The following DNAH3 variants were observed in gnomAD, a reference collection of about 807,000 sequenced individuals.
The protein encoded by DNAH3 is dynein axonemal heavy chain 3.
Under a neutral mutation model 432.5 loss-of-function variants are expected in DNAH3, and 332 were observed. The observed-to-expected ratio is 0.77, with a 90% CI of 0.70 to 0.84. The LOEUF is 0.84. Ranked by LOEUF, DNAH3 falls within the 40% of genes least tolerant of loss-of-function variation. DNAH3 has a pLI of 0.00. For missense variants in DNAH3, 4,861 were observed against 5,114.0 expected, an observed-to-expected ratio of 0.95 and a Z score of 1.51; for synonymous variants, 1,956 against 1,900.2, an observed-to-expected ratio of 1.03 and a Z score of -0.76.
chr16:21,136,615 G>T, intron 5 of DNAH3, 102 bp from the exon 7 acceptor site: 2 of 1,048,196 alleles, frequency 1.9e-6, no homozygotes, highest in Non-Finnish European at 2.9e-6. Context: ...TACAGCATTC[G>T]TCTGCACCCT....
chr16:21,020,113 C>T (rs185400650), intron 40 of DNAH3, among the ~76,000 whole-genome samples: 3 of 150,500 alleles, frequency 2.0e-5, no homozygotes, highest in Non-Finnish European at 3.0e-5. Flanking sequence ...CTCAACCTCC[C>T]GGGCTCAAGT....
chr16:20,974,579 G>GTTTTTTTTTTTTTTTT (rs752437227), intron 51 of DNAH3, among the ~76,000 whole-genome samples: 5 of 81,842 alleles, frequency 6.1e-5, no homozygotes, highest in Admixed American at 1.9e-4. Flanking sequence ...GTTTTATAGT[G>GTTTTTTTTTTTTTTTT]TTTTTTTTTT....
intron 40 of DNAH3, 22 bp from the exon 41 acceptor site, chr16:21,019,891 C>G (rs1177078938): frequency 6.8e-6 from 11 of 1,611,894 alleles, no homozygotes; most frequent in Non-Finnish European, 9.3e-6. Flanking sequence ...AAAAGCGAAT[C>G]TCAGGACAGA....
At chr16:21,106,619 T>G (rs539288270) in exon 15 of DNAH3, 1 of 1,609,288 alleles carries the variant, frequency 6.2e-7, no homozygotes. Context: ...AGCTCCTTAG[T>G]GTTGGCAGGA....
chr16:21,012,606 G>A (rs1567635258), intron 41 of DNAH3, among the ~76,000 whole-genome samples: 1 of 152,188 alleles, frequency 6.6e-6, no homozygotes, highest in Non-Finnish European at 1.5e-5. Flanking sequence ...CAGAAAATAA[G>A]TAGGAATATA....
chr16:21,114,229 T>C (rs1052648835), intron 12 of DNAH3, among the ~76,000 whole-genome samples: 3 of 152,162 alleles, frequency 2.0e-5, no homozygotes, highest in South Asian at 2.1e-4. Context: ...GTGATTCCTA[T>C]CCCTTCTTCA....
chr16:20,981,541 A>G (rs1258586631), intron 49 of DNAH3, among the ~76,000 whole-genome samples: 2 of 152,086 alleles, frequency 1.3e-5, no homozygotes, highest in South Asian at 2.1e-4. Context: ...CCTGGCCAAC[A>G]TGGTGAAACC....
intron 3 of DNAH3, among the ~76,000 whole-genome samples, chr16:21,144,265 G>A (rs921621605): frequency 2.8e-4 from 42 of 152,260 alleles, no homozygotes; most frequent in Non-Finnish European, 2.6e-4. Flanking sequence ...TGGCAAAAGT[G>A]ACAAGATGTC....
At chr16:21,082,604 C>T (rs1218589581) in intron 19 of DNAH3, among the ~76,000 whole-genome samples, 5 of 151,834 alleles carry the variant, frequency 3.3e-5, no homozygotes, top group African/African-American at 7.3e-5. Flanking sequence ...CTGAGGCGGG[C>T]GGATCACTTG....
chr16:21,110,527 G>A (rs545961661), intron 14 of DNAH3, among the ~76,000 whole-genome samples: 1 of 152,236 alleles, frequency 6.6e-6, no homozygotes, highest in African/African-American at 2.4e-5. Flanking sequence ...CAGAGAGAGA[G>A]GAATTGCATC....
chr16:21,056,271 C>T (rs1480871588), intron 27 of DNAH3, among the ~76,000 whole-genome samples: 1 of 152,080 alleles, frequency 6.6e-6, no homozygotes, highest in African/African-American at 2.4e-5. Context: ...TCAGCTAATC[C>T]CTACTTATAT....
intron 20 of DNAH3, among the ~76,000 whole-genome samples, chr16:21,078,520 C>A (rs1034726617): frequency 6.6e-6 from 1 of 152,078 alleles, no homozygotes; most frequent in Non-Finnish European, 1.5e-5. Context: ...AAGGCAGGTG[C>A]CAGCCCAGAT....
At chr16:21,062,603 T>C (rs774469423) in exon 25 of DNAH3, 15 of 1,614,102 alleles carry the variant, frequency 9.3e-6, no homozygotes, top group East Asian at 4.5e-5. Flanking sequence ...AAAGCACTTC[T>C]TCAAGTGCGG....
intron 44 of DNAH3, chr16:20,996,759 A>G (rs3115445): frequency 0.5 from 76,628 of 152,504 alleles, 19,528 homozygotes; most frequent in South Asian, 0.61. Context: ...GCACCCACTC[A>G]GTATGAAGAT....
chr16:21,063,553 TTTTA>T, intron 24 of DNAH3, among the ~76,000 whole-genome samples: 1 of 151,520 alleles, frequency 6.6e-6, no homozygotes, highest in Middle Eastern at 3.4e-3. Context: ...TTTTATTTTA[TTTTA>T]TTTGAGACAG....
intron 59 of DNAH3, among the ~76,000 whole-genome samples, chr16:20,937,430 C>T (rs9931146): frequency 0.018 from 2,685 of 152,128 alleles, 80 homozygotes; most frequent in African/African-American, 0.061. Context: ...ATTCATCCAT[C>T]TCAATCTTTT....
At chr16:21,036,963 T>C in intron 34 of DNAH3, 115 bp from the exon 35 acceptor site, 1 of 821,250 alleles carries the variant, frequency 1.2e-6, no homozygotes, top group Non-Finnish European at 1.9e-6. Flanking sequence ...ATTCCAGACC[T>C]TATTTTTCTT....
chr16:20,954,145 C>T (rs982465494), intron 55 of DNAH3, among the ~76,000 whole-genome samples: 1 of 149,642 alleles, frequency 6.7e-6, no homozygotes, highest in African/African-American at 2.5e-5. Context: ...ATCGCTTGAA[C>T]CTGAGAGGTG....
intron 12 of DNAH3, 53 bp from the exon 13 acceptor site, chr16:21,112,151 C>T: frequency 8.1e-7 from 1 of 1,227,836 alleles, no homozygotes; most frequent in Non-Finnish European, 1.2e-6. Flanking sequence ...TCAACCAAAT[C>T]AGATGAGTCA....
Sources: allele counts gnomAD v4.1 joint callset (sites outside exome capture counted in the v4.1 genomes callset), GRCh38; gene constraint gnomAD v4.1.1; transcripts MANE v1.5; gene names NCBI Gene and HGNC (gene_info 2026-07-23, HGNC 2026-07-21).